Variants in CREBBP observed in about 807,000 individuals in gnomAD.
CREBBP encodes CREB-binding protein.
A neutral mutation model predicts 265.0 loss-of-function variants in CREBBP; 19 were observed. The observed-to-expected ratio is 0.07, with a 90% CI of 0.05 to 0.11. CREBBP has a LOEUF of 0.11. Among genes scored for constraint, CREBBP ranks in the 10% least tolerant of loss-of-function variants. The pLI, the probability that CREBBP is intolerant of heterozygous loss-of-function variation, is 1.00. For missense variants in CREBBP, 2,525 were observed against 3,219.0 expected (o/e 0.78, Z 5.22); for synonymous variants, 1,457 against 1,223.7 (o/e 1.19, Z -3.98).
At chr16:3,779,458 GC>G (rs2053224001) in intron 8 of CREBBP, among the ~76,000 whole-genome samples, 1 of 152,150 alleles carries the variant, frequency 6.6e-6, no homozygotes, top group Admixed American at 6.5e-5. Context: ...ACACGTGGGG[GC>G]CACTGCACCT....
chr16:3,775,324 A>C (rs1164195380), intron 11 of CREBBP, among the ~76,000 whole-genome samples: 1 of 152,192 alleles, frequency 6.6e-6, no homozygotes, highest in Middle Eastern at 3.2e-3. Context: ...CAGGAACACC[A>C]CATCACTGAA....
chr16:3,734,142 C>T (rs1027958703), intron 28 of CREBBP, among the ~76,000 whole-genome samples: 13 of 152,126 alleles, frequency 8.5e-5, no homozygotes, highest in African/African-American at 1.7e-4. Context: ...GAGCTGGTTC[C>T]GTTTCTCGCC....
chr16:3,824,424 T>C (rs1006427004), intron 2 of CREBBP, among the ~76,000 whole-genome samples: 2 of 152,240 alleles, frequency 1.3e-5, no homozygotes, highest in African/African-American at 4.8e-5. Context: ...GGGGGTTAAC[T>C]GACAGAGCTA....
rs2054753013 is a variant in CREBBP, at chr16:3,849,431, GTGTGT to G, written c.798+861_798+865del. Among the ~76,000 whole-genome samples the G allele has an allele frequency of 3.0e-3, 44 of 14,486 alleles. 1 individual carries two copies. Among genetic ancestry groups the G allele is most frequent in the Admixed American group, 8.4e-3 (9 of 1,066 alleles). 9.5% of individuals were successfully genotyped at this position (14,486 alleles called of 152,430 possible). A position where few individuals can be genotyped will look rare whatever the true frequency, so the allele number is the denominator to read the frequency against. ...TGTGTGTGTGTGTGTGTGTGTGTGT[GTGTGT>G]GTGTGTGTGTGTGTGTGTGTGTGTG... is the stretch of plus-strand genomic sequence containing the variant. On this transcript the variant is annotated intron_variant, in intron 2 of 30. Transcript: ENST00000262367.
chr16:3,856,751 G>A (rs2054972642), intron 1 of CREBBP, among the ~76,000 whole-genome samples: 2 of 152,214 alleles, frequency 1.3e-5, no homozygotes, highest in African/African-American at 4.8e-5. Context: ...CGAGGATGAA[G>A]AGACCGTGTC....
At chr16:3,853,874 T>C (rs2054905513) in intron 1 of CREBBP, among the ~76,000 whole-genome samples, 1 of 151,456 alleles carries the variant, frequency 6.6e-6, no homozygotes, top group Admixed American at 6.6e-5. Context: ...GAGGTGGAAG[T>C]TGCAGTGAAC....
intron 21 of CREBBP, among the ~76,000 whole-genome samples, chr16:3,746,800 C>T (rs989907961): frequency 2.6e-4 from 39 of 152,068 alleles, no homozygotes; most frequent in African/African-American, 9.2e-4. Context: ...TAAAAATTAG[C>T]TGGGCATGGT....
In CREBBP at chr16:3,880,041, G is replaced by T; in HGVS notation, c.-125C>A. ...AGCGCGGGCCGCGAGCGGGCGGGCG[G>T]GCGCCGAGGGAGAGGGAGGGCGCAG... On this transcript the variant is annotated 5_prime_UTR_variant, in exon 1 of 31. Transcript: ENST00000262367. The T allele has an allele frequency of 1.4e-6, 1 of 729,622 alleles. No individual in the cohort carries two copies. The highest frequency in any genetic ancestry group is 1.9e-6 in the Non-Finnish European group (1 of 533,790). The allele number at this position is 729,622 out of a possible 1,614,324, so 45.2% of individuals were successfully genotyped here.
At chr16:3,762,365 T>C (rs1383183759) in intron 16 of CREBBP, among the ~76,000 whole-genome samples, 2 of 147,786 alleles carry the variant, frequency 1.4e-5, no homozygotes, top group Non-Finnish European at 3.0e-5. Context: ...TCTTTCCTTT[T>C]TTTTTTTTTT....
At chr16:3,761,318 T>C (rs948595104) in intron 16 of CREBBP, among the ~76,000 whole-genome samples, 1 of 152,166 alleles carries the variant, frequency 6.6e-6, no homozygotes, top group African/African-American at 2.4e-5. Context: ...GATTAAAATA[T>C]GGTAAACATT....
chr16:3,794,256 C>T (rs547665712), intron 3 of CREBBP, among the ~76,000 whole-genome samples: 3 of 140,020 alleles, frequency 2.1e-5, no homozygotes, highest in East Asian at 2.3e-4. Context: ...GGTGTGAACC[C>T]GGGAGGCGGA....
chr16:3,839,787 A>G (rs1305476922), intron 2 of CREBBP, among the ~76,000 whole-genome samples: 1 of 151,008 alleles, frequency 6.6e-6, no homozygotes. Context: ...GAAGGAAGGA[A>G]GGAAAAGGAA....
intron 1 of CREBBP, among the ~76,000 whole-genome samples, chr16:3,866,419 C>A (rs923403292): frequency 6.6e-6 from 1 of 152,090 alleles, no homozygotes; most frequent in Non-Finnish European, 1.5e-5. Flanking sequence ...CTCTGGATGG[C>A]GCCTCTTAGG....
At chr16:3,834,415 C>T (rs1204318215) in intron 2 of CREBBP, among the ~76,000 whole-genome samples, 1 of 152,076 alleles carries the variant, frequency 6.6e-6, no homozygotes, top group East Asian at 1.9e-4. Context: ...ACCTTAAATA[C>T]ATATTATTAA....
chr16:3,801,897 C>T lies in CREBBP; in HGVS notation c.976-8271G>A, dbSNP rs146297993. 1.7e-3 allele frequency among the ~76,000 whole-genome samples: 261 copies of T among 152,130 alleles called. 2 individuals are homozygous for T. Among genetic ancestry groups the T allele is most frequent in the African/African-American group, 6.0e-3 (248 of 41,480 alleles). ...GAGCCATACTGGTTTAAACCTTAGT[C>T]TCCCCTGCCTGTTACTATTTTGAGC... On this transcript the variant is annotated intron_variant, in intron 3 of 30. Transcript: ENST00000262367.
At chr16:3,771,806 T>C (rs1181805241) in intron 13 of CREBBP, among the ~76,000 whole-genome samples, 2 of 149,386 alleles carry the variant, frequency 1.3e-5, no homozygotes, top group African/African-American at 5.0e-5. Flanking sequence ...TTAAAACTTT[T>C]TTTTTTTTTT....
At chr16:3,852,291 C>T (rs1296270390) in intron 1 of CREBBP, among the ~76,000 whole-genome samples, 1 of 148,650 alleles carries the variant, frequency 6.7e-6, no homozygotes, top group African/African-American at 2.5e-5. Flanking sequence ...GCCTCAGCCT[C>T]CCAAGTAGCT....
rs749660119 is a variant in CREBBP at position 3,728,217 on chromosome 16, G to A, written c.6830C>T (p.Pro2277Leu). Residue 2277 changes from proline (P) to leucine (L), a missense_variant, in exon 31 of 31, where the codon CCG (proline) becomes CTG (leucine). Transcript: ENST00000262367. This position sits in a 1 kb window ranked among gnomAD's most constrained non-coding sequence, Gnocchi z 8.7. ...GGGGGTGCTGTCTGCCCCCAGCCCC[G>A]GCTGCCCCATCTGGCCAAGCTGTCC... ...QMGQLGQMGQ[P>L]GLGADSTPNI... is the part of the protein sequence containing the mutation. 5.0e-6 allele frequency: 8 copies of A among 1,613,412 alleles called. No homozygotes were observed. The highest frequency in any genetic ancestry group is 1.7e-4 in the Middle Eastern group (1 of 6,044).
intron 15 of CREBBP, among the ~76,000 whole-genome samples, chr16:3,768,136 GTTTTTTTTTTTTTTTTT>G (rs71133655): frequency 6.0e-4 from 31 of 51,614 alleles, no homozygotes; most frequent in East Asian, 2.1e-3. Flanking sequence ...ATTTAAAAGT[GTTTTTTTTTTTTTTTTT>G]TTTTTTTTTT....
Sources: gnomAD v4.1 joint callset for allele counts (sites outside exome capture counted in the v4.1 genomes callset) on GRCh38, gnomAD v4.1.1 for gene constraint, Gnocchi (gnomAD v3.1) non-coding constraint, MANE v1.5 for transcripts, NCBI Gene and HGNC (gene_info 2026-07-23, HGNC 2026-07-21) for gene names.